Variants in GPSM1 observed in about 807,000 individuals in gnomAD.
GPSM1 encodes G protein-signaling modulator 1.
Under a neutral mutation model 70.5 loss-of-function variants are expected in GPSM1, and 48 were observed. The ratio of observed to expected loss-of-function variants is 0.68; its 90% CI spans 0.54 to 0.87. GPSM1 has a LOEUF of 0.87. Among genes scored for constraint, GPSM1 ranks in the 40% least tolerant of loss-of-function variants. The probability of loss-of-function intolerance (pLI) is 0.00; values close to 1 mark genes in which losing one functional copy is unlikely to be tolerated. For synonymous variants in GPSM1, 416 were observed against 430.1 expected, an observed-to-expected ratio of 0.97 and a Z score of 0.41; for missense variants, 981 against 972.6, an observed-to-expected ratio of 1.01 and a Z score of -0.11.
At position 136,358,341 on chromosome 9, in the gene GPSM1, C is replaced by A. The variant is rs1832902388; in HGVS notation, c.*121C>A. On this transcript the variant is annotated 3_prime_UTR_variant, in exon 14 of 14. Coordinates refer to ENST00000440944, the MANE Select transcript of GPSM1 (RefSeq NM_001145638.3). The stretch of plus-strand genomic sequence containing the variant: ...GGCACTGGGCATGCAGCCCCACGGC[C>A]TCCCCGACCCAGGGCGACAGGCTCA... 4 of 932,356 alleles carry A rather than the reference C, an allele frequency of 4.3e-6. No homozygotes were observed. Among genetic ancestry groups the A allele is most frequent in the Admixed American group, 5.4e-5 (2 of 36,928 alleles). The allele number at this position is 932,356 out of a possible 1,614,324, so 57.8% of individuals were successfully genotyped here.
At chr9:136,328,713 G>A (rs949685312) in intron 1 of GPSM1, among the ~76,000 whole-genome samples, 27 of 152,212 alleles carry the variant, frequency 1.8e-4, no homozygotes, top group African/African-American at 6.5e-4. Flanking sequence ...CCTCCGGTCT[G>A]CTCTCTGCTT....
At position 136,348,560 on chromosome 9, in the gene GPSM1, G is replaced by A. The variant is rs1488302567; in HGVS notation, c.1208-137G>A. 1.2e-5 allele frequency: 7 copies of A among 601,206 alleles called. No individual in the cohort carries two copies. In the Admixed American group the frequency reaches 1.7e-4, roughly 15 times the overall value. 37.2% of individuals were successfully genotyped at this position (601,206 alleles called of 1,614,324 possible). ...GACGCAGAGGACACTCAGACATGGC[G>A]CTCGCCTCCACAAGGGGGGCTGGCT... On this transcript the variant is annotated intron_variant, in intron 9 of 13. Coordinates refer to ENST00000440944, the MANE Select transcript of GPSM1 (RefSeq NM_001145638.3).
chr9:136,341,773 T>C lies in GPSM1; in HGVS notation c.1207+780T>C. ...AGGCTGGGAACACCAGGCTTGGATGTGGTGCTGGGCTGCCGGAGTTTCTTT... is the reference window on the plus strand; with the variant it reads ...AGGCTGGGAACACCAGGCTTGGATGCGGTGCTGGGCTGCCGGAGTTTCTTT... On this transcript the variant is annotated intron_variant, in intron 9 of 13. Coordinates refer to ENST00000440944, the MANE Select transcript of GPSM1 (RefSeq NM_001145638.3). This position sits in a 1 kb window ranked among gnomAD's most constrained non-coding sequence, Gnocchi z 6.7. 2 of 985,640 alleles carry C rather than the reference T, an allele frequency of 2.0e-6. No homozygotes were observed. The highest frequency in any genetic ancestry group is 2.4e-6 in the Non-Finnish European group (2 of 830,144). 61.1% of individuals were successfully genotyped at this position (985,640 alleles called of 1,614,324 possible). A position where few individuals can be genotyped will look rare whatever the true frequency, so the allele number is the denominator to read the frequency against.
At chr9:136,355,018 CGAGG>C in intron 11 of GPSM1, 1 of 1,078,872 alleles carries the variant, frequency 9.3e-7, no homozygotes, top group Non-Finnish European at 1.1e-6. Flanking sequence ...CGGCGGGTGC[CGAGG>C]GTGAGTGACA....
At chr9:136,347,327 C>T (rs1407841970) in intron 9 of GPSM1, among the ~76,000 whole-genome samples, 4 of 152,088 alleles carry the variant, frequency 2.6e-5, no homozygotes, top group African/African-American at 9.7e-5. Context: ...CGGACTCACA[C>T]TGGGTGTGCG....
In GPSM1 at chr9:136,343,768, C is replaced by G. The variant is rs1412947779; in HGVS notation, c.1207+2775C>G. 6.6e-6 allele frequency among the ~76,000 whole-genome samples: 1 copy of G among 152,220 alleles called. No individual in the cohort carries two copies. The highest frequency in any genetic ancestry group is 2.4e-5 in the African/African-American group (1 of 41,466). ...CCAGCGAGCCTGAGGGCCCGTAAGC[C>G]TGTTGCGTTCGGGCCCTGGGTGGAC... On this transcript the variant is annotated intron_variant, in intron 9 of 13. Coordinates refer to ENST00000440944, the MANE Select transcript of GPSM1 (RefSeq NM_001145638.3). This position sits in a 1 kb window ranked among gnomAD's most constrained non-coding sequence, Gnocchi z 6.0.
chr9:136,346,577 G>A (rs28505901), intron 9 of GPSM1, among the ~76,000 whole-genome samples: 36,128 of 152,110 alleles, frequency 0.24, 4,472 homozygotes, highest in Admixed American at 0.26. Flanking sequence ...CCCCTTCCCA[G>A]TTGGGGGTGG....
At chr9:136,349,458 T>G in intron 10 of GPSM1, 129 bp from the exon 11 acceptor site, 1 of 827,470 alleles carries the variant, frequency 1.2e-6, no homozygotes, top group Non-Finnish European at 1.9e-6. Flanking sequence ...CCTCTCCTCC[T>G]CTCTGGGTAC....
chr9:136,357,800 C>T (rs1315537145), intron 13 of GPSM1, among the ~76,000 whole-genome samples: 4 of 152,232 alleles, frequency 2.6e-5, no homozygotes, highest in Admixed American at 1.3e-4. Flanking sequence ...TGGGCTCCTG[C>T]GGGTTGGTGG....
At position 136,337,973 on chromosome 9, in the gene GPSM1, C is replaced by T. The variant is rs782547756; in HGVS notation, c.818+12C>T. 3 of 1,541,514 alleles carry T rather than the reference C, an allele frequency of 1.9e-6. No homozygotes were observed. The highest frequency in any genetic ancestry group is 1.7e-5 in the Admixed American group (1 of 58,640). On this transcript the variant is annotated intron_variant, in intron 6 of 13. Transcript: ENST00000440944. ...GCCGAGTACTACAAGTAGGTGGTCC[C>T]CACAATCTCCCAGGGAGACAGCAGG...
chr9:136,351,871 C>G (rs1254772470), intron 11 of GPSM1, among the ~76,000 whole-genome samples: 1 of 152,336 alleles, frequency 6.6e-6, no homozygotes, highest in East Asian at 1.9e-4. Context: ...TGGGTACCTC[C>G]GAGTAAGGAC....
Position 136,358,120 on chromosome 9 carries a change from A to C in GPSM1, c.1928A>C (p.Lys643Thr), listed in dbSNP as rs534426200. The C allele has an allele frequency of 9.3e-6, 15 of 1,612,098 alleles. No homozygotes were observed. In the East Asian group the frequency reaches 3.1e-4, roughly 34 times the overall value. The change falls in exon 14 of 14, where the codon AAG becomes ACG. Residue 643 changes from lysine to threonine, a missense_variant. Transcript: ENST00000440944. ...FFSLIQRVQA[K>T]RMDEQRVDLA... ...AGCCTCATTCAGAGGGTGCAGGCTA[A>C]GCGCATGGACGAGCAGCGGGTGGAC...
At position 136,337,900 on chromosome 9, in the gene GPSM1, A is replaced by G; in HGVS notation, c.757A>G (p.Ser253Gly). ...GDKAAERRAY[S>G]NLGNAHVFLG... Reference sequence around the variant, plus strand: ...CAAGGCAGCCGAGAGGAGGGCCTACAGCAACCTGGGGAACGCCCACGTCTT... The same window carrying G: ...CAAGGCAGCCGAGAGGAGGGCCTACGGCAACCTGGGGAACGCCCACGTCTT... The change falls in exon 6 of 14, where the codon AGC becomes GGC. Residue 253 changes from serine to glycine, a missense_variant. Transcript: ENST00000440944. 1.2e-6 allele frequency: 2 copies of G among 1,612,420 alleles called. No homozygotes were observed. The highest frequency in any genetic ancestry group is 8.5e-7 in the Non-Finnish European group (1 of 1,179,764).
chr9:136,339,856 G>A, intron 8 of GPSM1, 41 bp downstream of exon 8: 1 of 1,287,028 alleles, frequency 7.8e-7, no homozygotes, highest in Non-Finnish European at 1.1e-6. Flanking sequence ...GCACTGCCCA[G>A]CCCACTCCAG....
At chr9:136,337,200 C>A in intron 4 of GPSM1, 128 bp downstream of exon 4, 1 of 1,040,968 alleles carries the variant, frequency 9.6e-7, no homozygotes, top group Non-Finnish European at 1.4e-6. Flanking sequence ...ACGGCCAGGT[C>A]CGCCCACCCC....
intron 11 of GPSM1, among the ~76,000 whole-genome samples, chr9:136,351,472 TGG>T (rs1832661106): frequency 6.6e-6 from 1 of 152,000 alleles, no homozygotes; most frequent in Non-Finnish European, 1.5e-5. Context: ...AAGGAAGGAG[TGG>T]GAGGCTGGCA....
At chr9:136,353,695 A>T (rs1169488881) in intron 11 of GPSM1, among the ~76,000 whole-genome samples, 2 of 152,160 alleles carry the variant, frequency 1.3e-5, no homozygotes, top group Non-Finnish European at 2.9e-5. Flanking sequence ...TGCCTTTCCC[A>T]GGAGGGACCT....
intron 1 of GPSM1, among the ~76,000 whole-genome samples, chr9:136,330,286 G>T (rs990285390): frequency 6.6e-6 from 1 of 152,170 alleles, no homozygotes; most frequent in South Asian, 2.1e-4. Flanking sequence ...GCAGTCACCA[G>T]CTCCCAGACA....
intron 11 of GPSM1, chr9:136,354,861 T>C (rs1832771635): frequency 7.0e-6 from 7 of 1,005,410 alleles, no homozygotes; most frequent in Middle Eastern, 5.0e-4. Flanking sequence ...CAGGGTGTGG[T>C]GGGCACAGGG....
Sources: allele counts gnomAD v4.1 joint callset (sites outside exome capture counted in the v4.1 genomes callset), GRCh38; gene constraint gnomAD v4.1.1; non-coding constraint Gnocchi (gnomAD v3.1); transcripts MANE v1.5; gene names NCBI Gene and HGNC (gene_info 2026-07-23, HGNC 2026-07-21).